Variants in ARNT observed in about 807,000 individuals in gnomAD.
ARNT encodes the protein aryl hydrocarbon receptor nuclear translocator.
Under a neutral mutation model 105.0 loss-of-function variants are expected in ARNT, and 30 were observed. The observed-to-expected ratio is 0.29, with a 90% CI of 0.21 to 0.39. ARNT has a LOEUF of 0.39. Ranked by LOEUF, ARNT falls within the 10% of genes least tolerant of loss-of-function variation. ARNT has a pLI of 1.00. For missense variants in ARNT, 748 were observed against 978.7 expected (o/e 0.76, Z 3.15); for synonymous variants, 304 against 344.0 (o/e 0.88, Z 1.29).
At position 150,870,784 on chromosome 1, in the gene ARNT, C is replaced by T. The variant is rs587600949; in HGVS notation, c.25+5759G>A. 2.5e-4 allele frequency among the ~76,000 whole-genome samples: 38 copies of T among 152,012 alleles called. No homozygotes were observed. The South Asian group carries it at 7.9e-3, about 32-fold the overall frequency. On this transcript the variant is annotated intron_variant, in intron 1 of 21. Transcript: ENST00000358595. ...TCAGCCTCCCAAAGTGCTAGGATTA[C>T]AGGTATGAGCCACCATGTCCAGCCC... is the stretch of plus-strand genomic sequence containing the variant.
chr1:150,822,640 T>C (rs932681031), intron 14 of ARNT, among the ~76,000 whole-genome samples: 1 of 152,160 alleles, frequency 6.6e-6, no homozygotes, highest in East Asian at 1.9e-4. Flanking sequence ...GTATCCTTTG[T>C]AATATCCTTT....
intron 13 of ARNT, among the ~76,000 whole-genome samples, chr1:150,825,572 T>C (rs1482236162): frequency 2.0e-5 from 3 of 152,152 alleles, no homozygotes; most frequent in Non-Finnish European, 4.4e-5. Context: ...CAGTCTAGGC[T>C]GGGCGCAATG....
Position 150,812,067 on chromosome 1 carries a change from T to C in ARNT, c.2324A>G (p.Asn775Ser), listed in dbSNP as rs747092222. 6.4e-7 allele frequency: 1 copy of C among 1,573,822 alleles called. No individual in the cohort carries two copies. Among genetic ancestry groups the C allele is most frequent in the Non-Finnish European group, 8.6e-7 (1 of 1,157,136 alleles). The change falls in exon 22 of 22, where the codon AAT becomes AGT. Residue 775 changes from asparagine (N) to serine (S), a missense_variant. Asn to Ser is a conservative substitution (Grantham distance 46). Coordinates refer to ENST00000358595, the MANE Select transcript of ARNT (RefSeq NM_001668.4). Reference sequence around the variant, plus strand: ...CATAGTTAGATCAGGGAATTCTTCATTGTTGTAGCTGTTGCTCTGATCTCC... The same window carrying C: ...CATAGTTAGATCAGGGAATTCTTCACTGTTGTAGCTGTTGCTCTGATCTCC... ...MLGDQSNSYNNEEFPDLTMFP... is the reference protein window; with the variant it reads ...MLGDQSNSYNSEEFPDLTMFP...
intron 14 of ARNT, 112 bp from the exon 15 acceptor site, chr1:150,818,142 G>GA: frequency 1.4e-6 from 1 of 711,178 alleles, no homozygotes; most frequent in Non-Finnish European, 2.3e-6. Context: ...TTCATCTGTA[G>GA]GTGGAACAAT....
intron 13 of ARNT, among the ~76,000 whole-genome samples, chr1:150,823,893 A>G (rs1370596432): frequency 4.0e-5 from 6 of 149,956 alleles, no homozygotes; most frequent in Non-Finnish European, 8.9e-5. Flanking sequence ...ACCAGGCTAG[A>G]GTGCAGTGGC....
intron 12 of ARNT, among the ~76,000 whole-genome samples, chr1:150,826,904 C>T (rs920322503): frequency 1.3e-5 from 2 of 152,072 alleles, no homozygotes; most frequent in Non-Finnish European, 2.9e-5. Flanking sequence ...GCCTCGGCCT[C>T]CCAAAGCGCT....
rs756789458 is a variant in ARNT, at chr1:150,813,237, T to C, written c.2215A>G (p.Ser739Gly). 3 of 1,613,940 alleles carry C rather than the reference T, an allele frequency of 1.9e-6. No homozygotes were observed. Among genetic ancestry groups the C allele is most frequent in the Non-Finnish European group, 1.7e-6 (2 of 1,179,942 alleles). Residue 739 changes from serine (S) to glycine (G), a missense_variant, in exon 21 of 22, where the codon AGT becomes GGT. Physicochemically the swap from Ser to Gly is moderately conservative, Grantham distance 56. Transcript: ENST00000358595. ...WQGQQPHHRS[S>G]SSEQHVQQPP... ...TGTTGAACATGTTGCTCACTAGAAC[T>C]TGAACGATGATGAGGCTGCTGGCCC...
chr1:150,829,293 C>A, intron 11 of ARNT, 66 bp from the exon 12 acceptor site: 1 of 1,514,066 alleles, frequency 6.6e-7, no homozygotes, highest in Non-Finnish European at 9.1e-7. Context: ...TTCCTATCTC[C>A]TCATGGTCTT....
intron 1 of ARNT, among the ~76,000 whole-genome samples, chr1:150,867,068 G>A (rs1291799630): frequency 6.6e-6 from 1 of 151,874 alleles, no homozygotes; most frequent in African/African-American, 2.4e-5. Context: ...TTAGCCAGGC[G>A]TGGTGGCACA....
chr1:150,812,088 T>C lies in ARNT; in HGVS notation c.2303A>G (p.Asp768Gly). 6.4e-7 allele frequency: 1 copy of C among 1,572,912 alleles called. No homozygotes were observed. The highest frequency in any genetic ancestry group is 8.6e-7 in the Non-Finnish European group (1 of 1,156,950). The change falls in exon 22 of 22, where the codon GAT (aspartate) becomes GGT (glycine). Residue 768 changes from aspartate (D) to glycine (G), a missense_variant. This residue lies in a region of ARNT where 360 missense variants were observed against 411.9 expected (regional missense o/e 0.87). Transcript: ENST00000358595. ...VFQEMLSMLG[D>G]QSNSYNNEEF... ...TTCATTGTTGTAGCTGTTGCTCTGA[T>C]CTCCCAGCATGGACAGCATCTCCTG...
chr1:150,836,263 A>G lies in ARNT; in HGVS notation c.700+17T>C. Reference sequence around the variant, plus strand: ...AGAAAGGACTTCTCATTCATTTCCCATACACATAACTCTCACCTGTCAGGG... The same window carrying G: ...AGAAAGGACTTCTCATTCATTTCCCGTACACATAACTCTCACCTGTCAGGG... On this transcript the variant is annotated intron_variant, in intron 7 of 21. Transcript: ENST00000358595. 1 of 1,610,834 alleles carries G rather than the reference A, an allele frequency of 6.2e-7. No homozygotes were observed.
rs1654448243 is a variant in ARNT, at chr1:150,810,057, T to C, written c.*1964A>G. The C allele has an allele frequency of 8.7e-6, 2 of 229,764 alleles. No homozygotes were observed. The highest frequency in any genetic ancestry group is 3.6e-4 in the South Asian group (2 of 5,488). The allele number at this position is 229,764 out of a possible 1,614,324, so 14.2% of individuals were successfully genotyped here. On this transcript the variant is annotated 3_prime_UTR_variant, in exon 22 of 22. Transcript: ENST00000358595. ...CTGTTGTTTATGAACTGGAAAGGAA[T>C]GATAAAGCCGCAATCAAGATCACAC...
At chr1:150,864,499 A>G (rs1041463128) in intron 1 of ARNT, among the ~76,000 whole-genome samples, 10 of 151,378 alleles carry the variant, frequency 6.6e-5, no homozygotes, top group Non-Finnish European at 1.0e-4. Flanking sequence ...ATTCTCAGTA[A>G]ACTATCGCAA....
In ARNT at chr1:150,839,693, C is replaced by T. The variant is rs587686329; in HGVS notation, c.273-39G>A. On this transcript the variant is annotated intron_variant, in intron 5 of 21. Coordinates refer to ENST00000358595, the MANE Select transcript of ARNT (RefSeq NM_001668.4). Reference sequence around the variant, plus strand: ...AAGAGAAGCCCCATCCAGGTGGTCACATCTGGTCATTTGGTAGCAGGGAGA... The same window carrying T: ...AAGAGAAGCCCCATCCAGGTGGTCATATCTGGTCATTTGGTAGCAGGGAGA... The T allele has an allele frequency of 7.0e-6, 11 of 1,580,602 alleles. No homozygotes were observed. In the African/African-American group the frequency reaches 1.1e-4, roughly 15 times the overall value.
chr1:150,829,239 G>T lies in ARNT; in HGVS notation c.1033-12C>A. On this transcript the variant is annotated splice_polypyrimidine_tract_variant and intron_variant, in intron 11 of 21. Transcript: ENST00000358595. ...GGAGAACTAGTTACCTGAGAGTGAAGAGATAAAAATGAGGTAAAATGATAC... is the reference window on the plus strand; with the variant it reads ...GGAGAACTAGTTACCTGAGAGTGAATAGATAAAAATGAGGTAAAATGATAC... The T allele has an allele frequency of 6.2e-7, 1 of 1,611,624 alleles. No homozygotes were observed. Among genetic ancestry groups the T allele is most frequent in the East Asian group, 2.2e-5 (1 of 44,828 alleles).
At position 150,835,143 on chromosome 1, in the gene ARNT, A is replaced by AG. The variant is rs2101894592; in HGVS notation, c.701-504_701-503insC. On this transcript the variant is annotated intron_variant, in intron 7 of 21. Transcript: ENST00000358595. The stretch of plus-strand genomic sequence containing the variant: ...AATAAAGCAAGACCTTGTCTCAAAA[A>AG]AAAAAAAAAGAATAAAAAGAAAAAA... Among the ~76,000 whole-genome samples the AG allele has an allele frequency of 2.0e-5, 3 of 151,482 alleles. No homozygotes were observed. In the South Asian group the frequency reaches 6.3e-4, roughly 32 times the overall value.
At chr1:150,867,707 G>T (rs781714426) in intron 1 of ARNT, among the ~76,000 whole-genome samples, 3 of 152,136 alleles carry the variant, frequency 2.0e-5, no homozygotes, top group Non-Finnish European at 2.9e-5. Context: ...AGTGTTGAAG[G>T]TGCAGTCTGG....
intron 5 of ARNT, among the ~76,000 whole-genome samples, chr1:150,841,586 G>A (rs1229770255): frequency 6.6e-6 from 1 of 152,128 alleles, no homozygotes; most frequent in Non-Finnish European, 1.5e-5. Context: ...AATGGGTATT[G>A]GCATCAATGA....
intron 1 of ARNT, among the ~76,000 whole-genome samples, chr1:150,873,806 G>C (rs1667835966): frequency 6.6e-6 from 1 of 151,936 alleles, no homozygotes; most frequent in East Asian, 1.9e-4. Context: ...TGTAGACCCA[G>C]ATACTCAGGA....
Sources: gnomAD v4.1 joint callset for allele counts (sites outside exome capture counted in the v4.1 genomes callset) on GRCh38, gnomAD v4.1.1 for gene constraint, gnomAD v4.1.1 regional missense constraint, MANE v1.5 for transcripts, NCBI Gene and HGNC (gene_info 2026-07-23, HGNC 2026-07-21) for gene names.